Variants in NDRG2 observed in about 807,000 individuals in gnomAD.
The protein encoded by NDRG2 is NDRG family member 2, also known as protein NDRG2.
A neutral mutation model predicts 58.2 loss-of-function variants in NDRG2; 34 were observed. The observed-to-expected ratio is 0.58, with a 90% CI of 0.44 to 0.78. The LOEUF (loss-of-function observed/expected upper bound fraction) is 0.78. Among genes scored for constraint, NDRG2 ranks in the 30% least tolerant of loss-of-function variants. The pLI is 0.00. For missense variants in NDRG2, 434 were observed against 471.2 expected (o/e 0.92, Z 0.73); for synonymous variants, 187 against 175.9 (o/e 1.06, Z -0.50).
intron 1 of NDRG2, chr14:21,043,367 A>T (rs1884998645): frequency 6.2e-7 from 1 of 1,614,230 alleles, no homozygotes. Context: ...AAGAGAAGCG[A>T]CAGAACAAGT....
upstream of NDRG2, among the ~76,000 whole-genome samples, chr14:21,029,427 C>G (rs1160151202): frequency 6.6e-6 from 1 of 152,016 alleles, no homozygotes; most frequent in African/African-American, 2.4e-5. Flanking sequence ...ATGGCAAAAC[C>G]CCGTCTCTAC....
chr14:21,046,646 GC>G (rs1885176478), intron 1 of NDRG2, among the ~76,000 whole-genome samples: 2 of 152,264 alleles, frequency 1.3e-5, no homozygotes, highest in South Asian at 4.1e-4. Context: ...GGTTAAGGGT[GC>G]CTAGTGTACA....
chr14:21,033,183 G>C (rs934146877), intron 1 of NDRG2: 3 of 365,648 alleles, frequency 8.2e-6, no homozygotes, highest in South Asian at 2.1e-5. Context: ...TTGGGAGTGT[G>C]GGGGAGACAG....
chr14:21,024,018 G>T lies in NDRG2; in HGVS notation c.-7+12C>A, dbSNP rs969983233. On this transcript the variant is annotated intron_variant, in intron 1 of 15. Coordinates refer to ENST00000556147, the MANE Select transcript of NDRG2 (RefSeq NM_001320329.2). ...GGAAGGAGCCTGCAGCCTGCGGGGT[G>T]GGGTCACTTACTGGGCTCCTATTGG... 2.0e-6 allele frequency: 2 copies of T among 985,602 alleles called. No homozygotes were observed. Among genetic ancestry groups the T allele is most frequent in the African/African-American group, 1.7e-5 (1 of 57,230 alleles). The allele number at this position is 985,602 out of a possible 1,614,324, so 61.1% of individuals were successfully genotyped here.
chr14:21,034,813 G>C (rs1273309723), intron 1 of NDRG2: 4 of 155,104 alleles, frequency 2.6e-5, no homozygotes, highest in Admixed American at 6.4e-5. Context: ...ATGTCCCCGA[G>C]TTTGATGAGC....
intron 1 of NDRG2, among the ~76,000 whole-genome samples, chr14:21,037,174 C>T (rs939847869): frequency 5.3e-5 from 8 of 152,254 alleles, no homozygotes; most frequent in Admixed American, 5.2e-4. Context: ...CTGAACAGCA[C>T]ATTATAGAGG....
At chr14:21,034,776 A>T (rs529449192) in intron 1 of NDRG2, 1 of 156,584 alleles carries the variant, frequency 6.4e-6, no homozygotes, top group Admixed American at 6.3e-5. Flanking sequence ...AAAGGTTTCT[A>T]GGTAAAAATC....
chr14:21,058,413 C>T, intron 1 of NDRG2: 3 of 1,290,260 alleles, frequency 2.3e-6, no homozygotes, highest in Admixed American at 2.0e-5. Context: ...GCTGCTTTTC[C>T]TCCCTCCAGT....
intron 1 of NDRG2, chr14:21,042,134 C>T (rs965620953): frequency 2.0e-5 from 3 of 152,172 alleles, no homozygotes; most frequent in African/African-American, 7.2e-5. Context: ...AATCATGTGG[C>T]CAGGGAACAA....
intron 1 of NDRG2, among the ~76,000 whole-genome samples, chr14:21,060,589 A>C (rs1227355008): frequency 6.6e-6 from 1 of 152,078 alleles, no homozygotes; most frequent in Non-Finnish European, 1.5e-5. Context: ...CCTACTCCCA[A>C]AGACAGGTAT....
intron 1 of NDRG2, among the ~76,000 whole-genome samples, chr14:21,036,860 G>C (rs1884659612): frequency 6.6e-6 from 1 of 152,196 alleles, no homozygotes; most frequent in Admixed American, 6.5e-5. Flanking sequence ...AGCCCACATG[G>C]GCAGGTGGCT....
intron 1 of NDRG2, chr14:21,058,316 G>A (rs1378993573): frequency 1.9e-6 from 3 of 1,613,538 alleles, no homozygotes; most frequent in Non-Finnish European, 2.5e-6. Flanking sequence ...GGGTGACCCA[G>A]GGTACCCACT....
At chr14:21,030,529 T>A, upstream of NDRG2, 1 of 1,572,210 alleles carries the variant, frequency 6.4e-7, no homozygotes, top group Non-Finnish European at 8.7e-7. Flanking sequence ...CTCCCCCTTC[T>A]CCTTCACCCC....
rs1367700640 is a variant in NDRG2, at chr14:21,019,717, A to C, written c.638T>G (p.Leu213Trp). 1 of 1,613,504 alleles carries C rather than the reference A, an allele frequency of 6.2e-7. No individual in the cohort carries two copies. The highest frequency in any genetic ancestry group is 8.5e-7 in the Non-Finnish European group (1 of 1,179,432). The change falls in exon 10 of 16, where the codon TTG becomes TGG. Residue 213 changes from leucine (L) to tryptophan (W), a missense_variant. Transcript: ENST00000556147. ...SQEELSGNSE[L>W]IQKYRNIITH... Reference sequence around the variant, plus strand: ...AATGATATTTCTGTACTTTTGTATCAACTCAGAATTTCCAGAGAGCTCTTC... The same window carrying C: ...AATGATATTTCTGTACTTTTGTATCCACTCAGAATTTCCAGAGAGCTCTTC...
At chr14:21,018,725 AC>A (rs1878334029) in intron 12 of NDRG2, 37 bp downstream of exon 12, 1 of 1,613,064 alleles carries the variant, frequency 6.2e-7, no homozygotes, top group Non-Finnish European at 8.5e-7. Context: ...TAGGACCCCA[AC>A]CCTCCTCCCT....
chr14:21,035,153 G>A (rs1392448325), intron 1 of NDRG2, among the ~76,000 whole-genome samples: 3 of 152,194 alleles, frequency 2.0e-5, no homozygotes, highest in Admixed American at 2.0e-4. Context: ...GAGAATCAAA[G>A]ACCTCCATGT....
Position 21,022,899 on chromosome 14 carries a change from C to A in NDRG2, c.82G>T (p.Glu28Ter). The A allele has an allele frequency of 6.2e-7, 1 of 1,614,054 alleles. No individual in the cohort carries two copies. Among genetic ancestry groups the A allele is most frequent in the Non-Finnish European group, 8.5e-7 (1 of 1,179,970 alleles). ...TCCAGGAGGATTCGGGCAGCTAACT[C>A]AGCCTCCTGGAGAGACACACACGGA... ...GQTPEAAKEA[E>*]LAARILLDQG... Residue 28 changes from glutamate (E) to a stop codon, truncating the protein, a stop_gained, in exon 3 of 16, where the codon GAG becomes TAG. Transcript: ENST00000556147. LOFTEE classifies it high-confidence loss of function.
In NDRG2 at chr14:21,070,021, C is replaced by T. The variant is rs1886557737; in HGVS notation, c.24+807G>A. Among the ~76,000 whole-genome samples, 1 of 152,184 alleles carries T rather than the reference C, an allele frequency of 6.6e-6. No homozygotes were observed. Among genetic ancestry groups the T allele is most frequent in the Non-Finnish European group, 1.5e-5 (1 of 68,012 alleles). On this transcript the variant is annotated intron_variant, in intron 1 of 14. Coordinates refer to the NDRG2 transcript ENST00000403829. This position sits in a 1 kb window ranked among gnomAD's most constrained non-coding sequence, Gnocchi z 4.7. ...GAAAAGAGGGGCATCCTCGGCTGGG[C>T]GGGCCTCCGAGGGTCAGGGTCGAGG...
chr14:21,021,705 T>C lies in NDRG2; in HGVS notation c.407+112A>G, dbSNP rs535642431. 16 of 1,153,012 alleles carry C rather than the reference T, an allele frequency of 1.4e-5. No individual in the cohort carries two copies. The Admixed American group carries it at 2.4e-4, about 17-fold the overall frequency. The allele number at this position is 1,153,012 out of a possible 1,614,324, so 71.4% of individuals were successfully genotyped here. A position where few individuals can be genotyped will look rare whatever the true frequency, so the allele number is the denominator to read the frequency against. The stretch of plus-strand genomic sequence containing the variant: ...CGGGAGCATGAAGGAAGAAGATATA[T>C]TGAGTTCAGAAGCTGAAACTGGCTC... On this transcript the variant is annotated intron_variant, in intron 6 of 15. Transcript: ENST00000556147.
Sources: allele counts gnomAD v4.1 joint callset (sites outside exome capture counted in the v4.1 genomes callset), GRCh38; gene constraint gnomAD v4.1.1; non-coding constraint Gnocchi (gnomAD v3.1); transcripts MANE v1.5; gene names NCBI Gene and HGNC (gene_info 2026-07-23, HGNC 2026-07-21).